Variants in ARHGEF3 observed in about 807,000 individuals in gnomAD.
ARHGEF3 encodes the protein 59.8 kDA protein.
Under a neutral mutation model 63.2 loss-of-function variants are expected in ARHGEF3, and 28 were observed. That is an observed-to-expected ratio of 0.44 (90% CI 0.33 to 0.61). The LOEUF (loss-of-function observed/expected upper bound fraction) is 0.61, where lower values mean the gene tolerates loss of function less well. Among genes scored for constraint, ARHGEF3 ranks in the 20% least tolerant of loss-of-function variants. The pLI, the probability that ARHGEF3 is intolerant of heterozygous loss-of-function variation, is 0.03. For missense variants in ARHGEF3, 533 were observed against 659.3 expected (o/e 0.81, Z 2.10); for synonymous variants, 266 against 254.2 (o/e 1.05, Z -0.44).
intron 4 of ARHGEF3, among the ~76,000 whole-genome samples, chr3:56,865,107 C>A (rs1397026630): frequency 1.3e-5 from 2 of 152,168 alleles, no homozygotes; most frequent in African/African-American, 4.8e-5. Flanking sequence ...TGGTTCATTT[C>A]TCATTTCAGA....
intron 3 of ARHGEF3, among the ~76,000 whole-genome samples, chr3:56,955,831 G>T (rs1234708953): frequency 2.0e-5 from 3 of 152,174 alleles, no homozygotes; most frequent in African/African-American, 7.2e-5. Context: ...GTGTGTCCTG[G>T]CTGGGAGTGA....
intron 4 of ARHGEF3, among the ~76,000 whole-genome samples, chr3:56,871,699 T>C (rs997796294): frequency 6.6e-6 from 1 of 152,166 alleles, no homozygotes; most frequent in Admixed American, 6.5e-5. Context: ...ATTACAAATG[T>C]AATATAATAG....
In ARHGEF3 at chr3:56,859,503, C is replaced by T. The variant is rs915354991; in HGVS notation, c.192+22789G>A. On this transcript the variant is annotated intron_variant, in intron 4 of 12. Coordinates refer to the ARHGEF3 transcript ENST00000338458. The stretch of plus-strand genomic sequence containing the variant: ...TTGCCTAAATCCAGGGCAGACTGAG[C>T]CCACATCCCTCTTGCCACCCCCTTG... Among the ~76,000 whole-genome samples, 3 of 151,668 alleles carry T rather than the reference C, an allele frequency of 2.0e-5. No individual in the cohort carries two copies. The East Asian group carries it at 5.9e-4, about 30-fold the overall frequency.
chr3:57,010,465 A>G (rs975197639), intron 2 of ARHGEF3, among the ~76,000 whole-genome samples: 4 of 151,954 alleles, frequency 2.6e-5, no homozygotes, highest in African/African-American at 7.3e-5. Flanking sequence ...CAAAAAAAAA[A>G]AAAAAAAAAC....
chr3:56,895,542 C>A (rs1259440643), intron 3 of ARHGEF3, among the ~76,000 whole-genome samples: 1 of 151,874 alleles, frequency 6.6e-6, no homozygotes, highest in Admixed American at 6.6e-5. Flanking sequence ...TGGCTCACTG[C>A]AAGCTCCGCC....
At chr3:57,010,552 A>G (rs756372200) in intron 2 of ARHGEF3, among the ~76,000 whole-genome samples, 7 of 151,980 alleles carry the variant, frequency 4.6e-5, no homozygotes, top group Non-Finnish European at 1.0e-4. Context: ...TATACAGGTT[A>G]TTTTACAGGG....
intron 3 of ARHGEF3, among the ~76,000 whole-genome samples, chr3:56,905,669 AT>A (rs1440485792): frequency 1.3e-5 from 2 of 152,222 alleles, no homozygotes; most frequent in Non-Finnish European, 2.9e-5. Flanking sequence ...GCCTGCTGTA[AT>A]TTATACTCCT....
chr3:56,962,917 T>C (rs1351793801), intron 2 of ARHGEF3, among the ~76,000 whole-genome samples: 2 of 152,218 alleles, frequency 1.3e-5, no homozygotes, highest in Non-Finnish European at 2.9e-5. Context: ...TGTGACTGTT[T>C]CTCGTCACCT....
rs373914899 is a variant in ARHGEF3 at position 56,968,334 on chromosome 3, A to ATATAT, written c.63-9446_63-9445insATATA. On this transcript the variant is annotated intron_variant, in intron 2 of 12. Coordinates refer to the ARHGEF3 transcript ENST00000338458. ...TATAAAATATATTTTATATATATAT[A>ATATAT]ATATATAATATATATATTTTTTGAG... Among the ~76,000 whole-genome samples, 118 of 56,828 alleles carry ATATAT rather than the reference A, an allele frequency of 2.1e-3. 4 individuals are homozygous for ATATAT. The highest frequency in any genetic ancestry group is 7.0e-3 in the Middle Eastern group (1 of 142). The allele number at this position is 56,828 out of a possible 152,430, so 37.3% of individuals were successfully genotyped here. A position where few individuals can be genotyped will look rare whatever the true frequency, so the allele number is the denominator to read the frequency against.
intron 3 of ARHGEF3, among the ~76,000 whole-genome samples, chr3:56,922,713 C>T (rs2042175126): frequency 6.6e-6 from 1 of 152,120 alleles, no homozygotes; most frequent in Non-Finnish European, 1.5e-5. Flanking sequence ...GAATAGTTAA[C>T]AATAAATTAA....
intron 2 of ARHGEF3, among the ~76,000 whole-genome samples, chr3:56,995,908 A>G (rs1267230137): frequency 6.6e-6 from 1 of 152,196 alleles, no homozygotes; most frequent in Non-Finnish European, 1.5e-5. Context: ...ACCGGATAAC[A>G]TATTAATTCC....
chr3:56,894,600 G>A (rs1407066183), intron 3 of ARHGEF3, among the ~76,000 whole-genome samples: 4 of 152,030 alleles, frequency 2.6e-5, no homozygotes, highest in Admixed American at 1.3e-4. Flanking sequence ...GACCAGCCTG[G>A]GTGACGTGGC....
At chr3:56,782,986 C>T (rs1428577082) in intron 1 of ARHGEF3, among the ~76,000 whole-genome samples, 1 of 152,186 alleles carries the variant, frequency 6.6e-6, no homozygotes, top group Non-Finnish European at 1.5e-5. Flanking sequence ...CCAGTCAGCA[C>T]CAAAAGCAGA....
chr3:56,861,729 A>G (rs1180337398), intron 4 of ARHGEF3, among the ~76,000 whole-genome samples: 1 of 152,130 alleles, frequency 6.6e-6, no homozygotes, highest in African/African-American at 2.4e-5. Flanking sequence ...GCAGGGAGCA[A>G]AGAGTAGAGT....
intron 2 of ARHGEF3, among the ~76,000 whole-genome samples, chr3:56,770,898 G>C (rs1443410090): frequency 3.3e-5 from 5 of 152,080 alleles, no homozygotes; most frequent in Non-Finnish European, 5.9e-5. Context: ...GATCACTTTA[G>C]GTCAGGAGTT....
chr3:56,872,948 C>T (rs750051446), intron 4 of ARHGEF3, among the ~76,000 whole-genome samples: 8 of 152,082 alleles, frequency 5.3e-5, no homozygotes, highest in Non-Finnish European at 1.0e-4. Context: ...TTTGTGCTCA[C>T]GATAGGCCAG....
At chr3:57,065,343 C>A (rs1316931002) in intron 1 of ARHGEF3, among the ~76,000 whole-genome samples, 1 of 152,108 alleles carries the variant, frequency 6.6e-6, no homozygotes, top group Admixed American at 6.5e-5. Flanking sequence ...CACCTGTAGT[C>A]CCAGCTACTA....
intron 3 of ARHGEF3, among the ~76,000 whole-genome samples, chr3:56,900,876 G>C (rs983236805): frequency 1.3e-5 from 2 of 152,132 alleles, no homozygotes; most frequent in Admixed American, 1.3e-4. Context: ...CTAGCTTTGT[G>C]ACTCCAGGCA....
intron 2 of ARHGEF3, among the ~76,000 whole-genome samples, chr3:57,028,715 T>TAAATA (rs1553809429): frequency 2.2e-5 from 3 of 134,532 alleles, no homozygotes; most frequent in African/African-American, 8.6e-5. Context: ...AATAAATAAA[T>TAAATA]AAAAAAAAAA....
Sources: allele counts gnomAD v4.1 joint callset (sites outside exome capture counted in the v4.1 genomes callset), GRCh38; gene constraint gnomAD v4.1.1; transcripts MANE v1.5; gene names NCBI Gene and HGNC (gene_info 2026-07-23, HGNC 2026-07-21).